The following RPS6KC1 variants were observed in gnomAD, a reference collection of about 807,000 sequenced individuals.
RPS6KC1 encodes the protein inactive ribosomal protein S6 kinase delta-1.
A neutral mutation model predicts 103.8 loss-of-function variants in RPS6KC1; 54 were observed. The observed-to-expected ratio is 0.52, with a 90% CI of 0.42 to 0.65. The LOEUF (loss-of-function observed/expected upper bound fraction) is 0.65, where lower values mean the gene tolerates loss of function less well. Among genes scored for constraint, RPS6KC1 ranks in the 30% least tolerant of loss-of-function variants. RPS6KC1 has a pLI of 0.00. For missense variants in RPS6KC1, 1,151 were observed against 1,253.8 expected (o/e 0.92, Z 1.24); for synonymous variants, 439 against 438.7 (o/e 1.00, Z -0.01).
At chr1:213,811,125 G>C in the RPS6KC1 span, among the ~76,000 whole-genome samples, 2 of 152,178 alleles carry the variant, frequency 1.3e-5, no homozygotes, top group Non-Finnish European at 2.9e-5. Flanking sequence ...AGAGCCACTG[G>C]CAATCTTGAG....
chr1:213,832,519 T>C, the RPS6KC1 span: 6 of 152,266 alleles, frequency 3.9e-5, no homozygotes, highest in African/African-American at 1.4e-4. Flanking sequence ...TCTCCAGACC[T>C]ACCTGAGTCA....
At chr1:213,820,733 G>T in the RPS6KC1 span, 4 of 152,258 alleles carry the variant, frequency 2.6e-5, no homozygotes, top group South Asian at 8.3e-4. Context: ...CACCTGATAG[G>T]GCAGGGGCAG....
At chr1:213,623,561 A>G in the RPS6KC1 span, among the ~76,000 whole-genome samples, 1 of 152,208 alleles carries the variant, frequency 6.6e-6, no homozygotes, top group Non-Finnish European at 1.5e-5. Context: ...GCAAACTATG[A>G]CAAACATCAC....
chr1:213,172,331 G>A (rs1178560926), intron 7 of RPS6KC1, among the ~76,000 whole-genome samples: 6 of 152,022 alleles, frequency 3.9e-5, no homozygotes, highest in South Asian at 4.1e-4. Flanking sequence ...ATGTACAACA[G>A]GCCTGTAATC....
chr1:213,624,000 T>C, the RPS6KC1 span, among the ~76,000 whole-genome samples: 1 of 152,182 alleles, frequency 6.6e-6, no homozygotes, highest in African/African-American at 2.4e-5. Flanking sequence ...AGCAGCATTG[T>C]GTGTGGAGGG....
the RPS6KC1 span, among the ~76,000 whole-genome samples, chr1:213,735,371 G>A: frequency 6.6e-6 from 1 of 152,184 alleles, no homozygotes; most frequent in Non-Finnish European, 1.5e-5. Context: ...GTGTTAGGAA[G>A]GGGCTCTGCC....
chr1:213,838,248 T>G, the RPS6KC1 span, among the ~76,000 whole-genome samples: 5 of 152,304 alleles, frequency 3.3e-5, no homozygotes, highest in African/African-American at 1.2e-4. Flanking sequence ...ACCTCAGTAT[T>G]TTTTTGAAGT....
chr1:213,588,227 T>A, the RPS6KC1 span, among the ~76,000 whole-genome samples: 6 of 151,876 alleles, frequency 4.0e-5, no homozygotes, highest in Non-Finnish European at 8.8e-5. Context: ...CAGGCCTCTT[T>A]TATCACGGCA....
At chr1:213,831,467 A>C in the RPS6KC1 span, among the ~76,000 whole-genome samples, 1 of 152,212 alleles carries the variant, frequency 6.6e-6, no homozygotes, top group South Asian at 2.1e-4. Flanking sequence ...TTCTCCCCTG[A>C]AGTCACCTGA....
chr1:213,265,076 A>G (rs4376708), intron 14 of RPS6KC1, among the ~76,000 whole-genome samples: 151,122 of 152,326 alleles, frequency 0.99, 74,971 homozygotes, highest in East Asian at 1. Flanking sequence ...ACAAATTTTC[A>G]TGCCCTCATT....
At chr1:213,102,712 C>T (rs1054892662) in intron 3 of RPS6KC1, among the ~76,000 whole-genome samples, 2 of 152,070 alleles carry the variant, frequency 1.3e-5, no homozygotes, top group African/African-American at 2.4e-5. Context: ...GTTAGGAATC[C>T]TCTAATTGAC....
chr1:213,233,455 C>A (rs931885957), intron 10 of RPS6KC1, among the ~76,000 whole-genome samples: 2 of 152,046 alleles, frequency 1.3e-5, no homozygotes, highest in African/African-American at 2.4e-5. Flanking sequence ...TAGTAATAAT[C>A]CATAATAATT....
chr1:213,261,188 G>C (rs540635602), intron 12 of RPS6KC1, among the ~76,000 whole-genome samples: 5 of 151,866 alleles, frequency 3.3e-5, no homozygotes, highest in African/African-American at 7.2e-5. Flanking sequence ...GAACCTGAAG[G>C]GTCTTTATTT....
the RPS6KC1 span, among the ~76,000 whole-genome samples, chr1:213,513,791 C>T: frequency 6.6e-6 from 1 of 152,146 alleles, no homozygotes; most frequent in African/African-American, 2.4e-5. Context: ...TAATATTGTA[C>T]AAAGTGGAGA....
the RPS6KC1 span, among the ~76,000 whole-genome samples, chr1:213,678,790 A>C: frequency 6.6e-6 from 1 of 152,172 alleles, no homozygotes; most frequent in Non-Finnish European, 1.5e-5. Flanking sequence ...TTTAATCTTT[A>C]CTTGGGAGTC....
At chr1:213,174,842 A>G (rs909206587) in intron 7 of RPS6KC1, among the ~76,000 whole-genome samples, 1 of 152,086 alleles carries the variant, frequency 6.6e-6, no homozygotes, top group African/African-American at 2.4e-5. Context: ...CTAGCTCAGC[A>G]CCTCATGAAT....
At position 213,129,532 on chromosome 1, in the gene RPS6KC1, T is replaced by C. The variant is rs1209799016; in HGVS notation, c.478T>C (p.Ser160Pro). 9 of 1,603,110 alleles carry C rather than the reference T, an allele frequency of 5.6e-6. No homozygotes were observed. The highest frequency in any genetic ancestry group is 7.7e-6 in the Non-Finnish European group (9 of 1,175,530). ...TATTGTGATCATATTTCTAGGCTTC[T>C]CCAGTGACAGTGATCTGGTATCTCT... is the stretch of plus-strand genomic sequence containing the variant. ...TFPECSTEGF[S>P]SDSDLVSLTV... Residue 160 changes from serine (S) to proline (P), a missense_variant, in exon 6 of 15, where the codon TCC (serine) becomes CCC (proline). Ser to Pro is a moderately conservative substitution (Grantham distance 74). Transcript: ENST00000366960.
chr1:213,254,516 GAGA>G (rs2094600611), intron 12 of RPS6KC1, among the ~76,000 whole-genome samples: 1 of 152,224 alleles, frequency 6.6e-6, no homozygotes, highest in African/African-American at 2.4e-5. Flanking sequence ...TTAATGGAGG[GAGA>G]AGAAGTTATG....
the RPS6KC1 span, among the ~76,000 whole-genome samples, chr1:213,433,352 C>T: frequency 6.6e-6 from 1 of 152,150 alleles, no homozygotes; most frequent in African/African-American, 2.4e-5. Context: ...AGTCAGTAAC[C>T]TTAATTACAA....
Sources: gnomAD v4.1 joint callset for allele counts (sites outside exome capture counted in the v4.1 genomes callset) on GRCh38, gnomAD v4.1.1 for gene constraint, MANE v1.5 for transcripts, NCBI Gene and HGNC (gene_info 2026-07-23, HGNC 2026-07-21) for gene names.